GRIN2A: variants seen among roughly 807,000 people sequenced by gnomAD.
GRIN2A encodes the protein glutamate ionotropic receptor NMDA type subunit 2A.
A neutral mutation model predicts 113.4 loss-of-function variants in GRIN2A; 22 were observed. The ratio of observed to expected loss-of-function variants is 0.19; its 90% confidence interval spans 0.14 to 0.28. GRIN2A has a LOEUF of 0.28. GRIN2A is among the 10% of genes least tolerant of loss of function. GRIN2A has a pLI of 1.00. For synonymous variants in GRIN2A, 827 were observed against 738.4 expected, an observed-to-expected ratio of 1.12 and a Z score of -1.94; for missense variants, 1,502 against 1,887.0, an observed-to-expected ratio of 0.80 and a Z score of 3.78.
intron 2 of GRIN2A, among the ~76,000 whole-genome samples, chr16:9,974,676 G>A (rs1446403491): frequency 6.6e-6 from 1 of 152,126 alleles, no homozygotes; most frequent in Non-Finnish European, 1.5e-5. Flanking sequence ...GCCCTATACT[G>A]AAAAGTTTCT....
intron 2 of GRIN2A, among the ~76,000 whole-genome samples, chr16:9,983,226 G>A (rs1009720010): frequency 4.6e-5 from 7 of 152,130 alleles, no homozygotes; most frequent in South Asian, 2.1e-4. Context: ...CCTGTCTAGC[G>A]TAATTTTGTA....
chr16:9,942,756 A>C lies in GRIN2A; in HGVS notation c.415-4205T>G, dbSNP rs1220412612. Among the ~76,000 whole-genome samples, 7 of 152,300 alleles carry C rather than the reference A, an allele frequency of 4.6e-5. No individual in the cohort carries two copies. The South Asian group carries it at 1.5e-3, about 32-fold the overall frequency. On this transcript the variant is annotated intron_variant, in intron 2 of 12. Transcript: ENST00000330684. ...AGAAGAAACTGCCTTTCCATACAGC[A>C]ATGAATCCATGCTTTGGAGAGAAAC...
chr16:10,070,722 C>A lies in GRIN2A; in HGVS notation c.414+109276G>T, dbSNP rs192385017. Reference sequence around the variant, plus strand: ...CTCTACTCCTGTGTGGACCTCTGGGCTGCCTTTTTCAGGTTTTGCAAACTG... The same window carrying A: ...CTCTACTCCTGTGTGGACCTCTGGGATGCCTTTTTCAGGTTTTGCAAACTG... On this transcript the variant is annotated intron_variant, in intron 2 of 12. Transcript: ENST00000330684. 6.8e-4 allele frequency among the ~76,000 whole-genome samples: 103 copies of A among 152,232 alleles called. 3 individuals are homozygous for A. In the East Asian group the frequency reaches 0.012, roughly 18 times the overall value.
intron 3 of GRIN2A, among the ~76,000 whole-genome samples, chr16:9,923,112 G>A (rs1037382274): frequency 2.0e-5 from 3 of 151,854 alleles, no homozygotes; most frequent in African/African-American, 4.8e-5. Flanking sequence ...TCCCCTTGCA[G>A]TTGCATCAGT....
In GRIN2A at chr16:10,085,751, G is replaced by C. The variant is rs982363165; in HGVS notation, c.414+94247C>G. ...TTAGCAAGGGAGAGGATATAATGTGGTAAGTCTGAGCTCCTGTCTGGTTAT... is the reference window on the plus strand; with the variant it reads ...TTAGCAAGGGAGAGGATATAATGTGCTAAGTCTGAGCTCCTGTCTGGTTAT... On this transcript the variant is annotated intron_variant, in intron 2 of 12. Coordinates refer to ENST00000330684, the MANE Select transcript of GRIN2A (RefSeq NM_001134407.3). Among the ~76,000 whole-genome samples the C allele has an allele frequency of 2.0e-5, 3 of 152,320 alleles. No homozygotes were observed. In the South Asian group the frequency reaches 6.2e-4, roughly 32 times the overall value.
At chr16:10,112,171 G>C (rs1474832280) in intron 2 of GRIN2A, 3 of 586,774 alleles carry the variant, frequency 5.1e-6, no homozygotes, top group Middle Eastern at 1.0e-3. Flanking sequence ...CTGCTCACCT[G>C]GGTAGGCATC....
chr16:9,879,082 C>T (rs774932632), intron 4 of GRIN2A, among the ~76,000 whole-genome samples: 1 of 152,094 alleles, frequency 6.6e-6, no homozygotes, highest in Non-Finnish European at 1.5e-5. Context: ...TTTGCTAAAT[C>T]CTGATGCACA....
At chr16:10,149,737 A>C (rs1378653383) in intron 2 of GRIN2A, among the ~76,000 whole-genome samples, 1 of 152,134 alleles carries the variant, frequency 6.6e-6, no homozygotes, top group African/African-American at 2.4e-5. Context: ...GGTGCCCCCT[A>C]TCCCCTCCTC....
intron 11 of GRIN2A, among the ~76,000 whole-genome samples, chr16:9,779,201 T>C (rs547109526): frequency 6.6e-6 from 1 of 152,364 alleles, no homozygotes; most frequent in East Asian, 1.9e-4. Context: ...GAGATGCCTC[T>C]GAGTTCTTAT....
chr16:9,810,915 G>T (rs1403102577), intron 10 of GRIN2A, among the ~76,000 whole-genome samples: 2 of 152,176 alleles, frequency 1.3e-5, no homozygotes, highest in East Asian at 3.9e-4. Context: ...CAGCTGTCTG[G>T]GGTTGGCCCC....
chr16:9,891,203 T>C, intron 3 of GRIN2A, 103 bp from the exon 4 acceptor site: 2 of 737,984 alleles, frequency 2.7e-6, no homozygotes, highest in South Asian at 1.4e-5. Context: ...AATTATAAAC[T>C]TACAATGCTA....
At chr16:10,118,922 A>C (rs4782263) in intron 2 of GRIN2A, among the ~76,000 whole-genome samples, 1 of 152,032 alleles carries the variant, frequency 6.6e-6, no homozygotes, top group African/African-American at 2.4e-5. Flanking sequence ...CAGGACTCTT[A>C]AGAAAGGGGC....
intron 2 of GRIN2A, among the ~76,000 whole-genome samples, chr16:10,021,104 C>T (rs2046712060): frequency 6.6e-6 from 1 of 152,160 alleles, no homozygotes. Context: ...TGGCAGAATC[C>T]CCAGAAGCAA....
chr16:10,039,593 C>T (rs1200556323), intron 2 of GRIN2A, among the ~76,000 whole-genome samples: 2 of 151,980 alleles, frequency 1.3e-5, no homozygotes, highest in South Asian at 2.1e-4. Context: ...TGCGCAGCAG[C>T]GGGAGGGACC....
intron 2 of GRIN2A, among the ~76,000 whole-genome samples, chr16:10,059,959 A>G (rs1401100331): frequency 2.0e-5 from 3 of 147,178 alleles, no homozygotes; most frequent in Non-Finnish European, 4.6e-5. Flanking sequence ...TTAATATCCT[A>G]GGGATGGAGG....
At chr16:10,173,971 T>C (rs994190302) in intron 2 of GRIN2A, among the ~76,000 whole-genome samples, 1 of 152,206 alleles carries the variant, frequency 6.6e-6, no homozygotes, top group Non-Finnish European at 1.5e-5. Context: ...TTACATAGTA[T>C]TGCTTGCAAA....
At chr16:10,016,589 C>G (rs541357746) in intron 2 of GRIN2A, among the ~76,000 whole-genome samples, 1 of 152,280 alleles carries the variant, frequency 6.6e-6, no homozygotes, top group Admixed American at 6.5e-5. Context: ...GCATCCCACA[C>G]CTGGTGGGTG....
intron 8 of GRIN2A, among the ~76,000 whole-genome samples, chr16:9,833,303 T>A (rs1245039288): frequency 3.9e-5 from 6 of 152,228 alleles, no homozygotes; most frequent in Non-Finnish European, 8.8e-5. Context: ...CACACTTGAT[T>A]TCCTCCTGGC....
chr16:9,928,805 C>T (rs73502684), intron 3 of GRIN2A, among the ~76,000 whole-genome samples: 1,874 of 152,320 alleles, frequency 0.012, 41 homozygotes, highest in African/African-American at 0.043. Flanking sequence ...CCTTATCTCT[C>T]CAAAGCCAAA....
Sources: gnomAD v4.1 joint callset for allele counts (sites outside exome capture counted in the v4.1 genomes callset) on GRCh38, gnomAD v4.1.1 for gene constraint, MANE v1.5 for transcripts, NCBI Gene and HGNC (gene_info 2026-07-23, HGNC 2026-07-21) for gene names.